YAP1: variants seen among roughly 807,000 people sequenced by gnomAD.
YAP1 encodes the protein transcriptional coactivator YAP1.
In YAP1, 5 loss-of-function variants were observed where a neutral mutation model predicts 56.9. That is an observed-to-expected ratio of 0.09 (90% CI 0.05 to 0.18). YAP1 has a LOEUF of 0.18. Ranked by LOEUF, YAP1 falls within the 10% of genes least tolerant of loss-of-function variation. YAP1 has a pLI of 1.00. For missense variants in YAP1, 539 were observed against 651.8 expected (o/e 0.83, Z 1.88); for synonymous variants, 265 against 248.1 (o/e 1.07, Z -0.64).
At chr11:102,180,681 CAAAAAAAA>C (rs58820066) in intron 3 of YAP1, among the ~76,000 whole-genome samples, 647 of 42,612 alleles carry the variant, frequency 0.015, 9 homozygotes, top group African/African-American at 0.05. Flanking sequence ...GACTCCATCT[CAAAAAAAA>C]AAAAAAAAAA....
intron 4 of YAP1, among the ~76,000 whole-genome samples, chr11:102,198,264 A>C (rs1294890644): frequency 1.3e-5 from 2 of 152,186 alleles, no homozygotes; most frequent in Admixed American, 1.3e-4. Context: ...TTAGATTTGA[A>C]AAAGACCTTA....
intron 3 of YAP1, among the ~76,000 whole-genome samples, chr11:102,170,364 G>T (rs1261954953): frequency 6.6e-6 from 1 of 152,168 alleles, no homozygotes; most frequent in Non-Finnish European, 1.5e-5. Flanking sequence ...ATTTTTAAAA[G>T]ATTATTTCAG....
At chr11:102,125,736 T>C (rs1033218556) in intron 2 of YAP1, among the ~76,000 whole-genome samples, 11 of 152,200 alleles carry the variant, frequency 7.2e-5, no homozygotes, top group African/African-American at 2.7e-4. Flanking sequence ...TTTATTATTT[T>C]TAATAACATG....
chr11:102,213,339 C>G (rs879739850), intron 6 of YAP1, among the ~76,000 whole-genome samples: 3 of 152,090 alleles, frequency 2.0e-5, no homozygotes, highest in Non-Finnish European at 2.9e-5. Flanking sequence ...CGGAAATTAG[C>G]TGGATGTGGT....
Position 102,157,575 on chromosome 11 carries a change from G to A in YAP1, c.573-4881G>A, listed in dbSNP as rs1027314840. Among the ~76,000 whole-genome samples the A allele has an allele frequency of 2.0e-5, 3 of 152,122 alleles. No individual in the cohort carries two copies. In the East Asian group the frequency reaches 5.8e-4, roughly 29 times the overall value. On this transcript the variant is annotated intron_variant, in intron 2 of 8. Transcript: ENST00000282441. Reference sequence around the variant, plus strand: ...GTTTTGTATTATTCCTGGTTTTCCAGTTTTATTGTTTACTAAAAGTCAATT... The same window carrying A: ...GTTTTGTATTATTCCTGGTTTTCCAATTTTATTGTTTACTAAAAGTCAATT...
At chr11:102,222,889 T>G (rs1591466272) in intron 6 of YAP1, among the ~76,000 whole-genome samples, 2 of 144,468 alleles carry the variant, frequency 1.4e-5, no homozygotes. Context: ...GGGGAGGGGG[T>G]CGGGGGGTTC....
At chr11:102,227,141 A>C in intron 7 of YAP1, 1 of 247,280 alleles carries the variant, frequency 4.0e-6, no homozygotes, top group Non-Finnish European at 7.9e-6. Context: ...AGAGAGGAGA[A>C]TACTGATGCA....
intron 6 of YAP1, among the ~76,000 whole-genome samples, chr11:102,220,937 G>GA (rs1217920961): frequency 6.6e-6 from 1 of 152,174 alleles, no homozygotes; most frequent in African/African-American, 2.4e-5. Context: ...AATGCAGTTG[G>GA]AATGAAGAGA....
At chr11:102,122,147 C>T (rs1943693095) in intron 2 of YAP1, among the ~76,000 whole-genome samples, 1 of 152,132 alleles carries the variant, frequency 6.6e-6, no homozygotes, top group Admixed American at 6.6e-5. Flanking sequence ...GGGCCTGGCG[C>T]AGTGGCTCAT....
At chr11:102,120,128 A>G (rs1396373229) in intron 2 of YAP1, among the ~76,000 whole-genome samples, 1 of 152,228 alleles carries the variant, frequency 6.6e-6, no homozygotes, top group Non-Finnish European at 1.5e-5. Flanking sequence ...TGCCGTTTCT[A>G]TGAAGAAGAA....
intron 4 of YAP1, among the ~76,000 whole-genome samples, chr11:102,203,873 T>C (rs1948998553): frequency 6.6e-6 from 1 of 152,074 alleles, no homozygotes; most frequent in South Asian, 2.1e-4. Flanking sequence ...CAAAAAAAGA[T>C]GTAAATGAAT....
At chr11:102,214,059 A>G (rs1949547304) in intron 6 of YAP1, among the ~76,000 whole-genome samples, 1 of 152,228 alleles carries the variant, frequency 6.6e-6, no homozygotes, top group Non-Finnish European at 1.5e-5. Flanking sequence ...CCTGGGTGAC[A>G]GAGTGAGACT....
At chr11:102,149,767 T>C (rs976369543) in intron 2 of YAP1, among the ~76,000 whole-genome samples, 1 of 152,156 alleles carries the variant, frequency 6.6e-6, no homozygotes, top group Non-Finnish European at 1.5e-5. Flanking sequence ...TTTCCTCCTC[T>C]TTCTTGTTCT....
Position 102,193,931 on chromosome 11 carries a change from C to T in YAP1, c.802+7800C>T, listed in dbSNP as rs551082799. On this transcript the variant is annotated intron_variant, in intron 4 of 8. Coordinates refer to ENST00000282441, the MANE Select transcript of YAP1 (RefSeq NM_001130145.3). ...TTGGCTCACTGCAACCTCCGCCTCC[C>T]GAGTAGCTGGGACTACAGGTGCCTG... Among the ~76,000 whole-genome samples the T allele has an allele frequency of 2.1e-4, 32 of 151,856 alleles. No individual in the cohort carries two copies. The South Asian group carries it at 6.7e-3, about 32-fold the overall frequency.
chr11:102,220,301 A>G (rs1949861406), intron 6 of YAP1, among the ~76,000 whole-genome samples: 1 of 152,142 alleles, frequency 6.6e-6, no homozygotes, highest in Non-Finnish European at 1.5e-5. Context: ...TGTGAAAAAC[A>G]ACTGACCAAG....
At chr11:102,145,107 G>A (rs777793273) in intron 2 of YAP1, among the ~76,000 whole-genome samples, 18 of 152,208 alleles carry the variant, frequency 1.2e-4, no homozygotes, top group Middle Eastern at 3.2e-3. Context: ...TTCTGCAGGA[G>A]TATTAGCAAG....
At chr11:102,174,781 T>C (rs544921565) in intron 3 of YAP1, among the ~76,000 whole-genome samples, 1 of 152,194 alleles carries the variant, frequency 6.6e-6, no homozygotes, top group African/African-American at 2.4e-5. Context: ...CTTGAGTCTG[T>C]TGAGAAGAGA....
At chr11:102,125,457 G>T (rs1399047497) in intron 2 of YAP1, among the ~76,000 whole-genome samples, 4 of 149,032 alleles carry the variant, frequency 2.7e-5, no homozygotes, top group South Asian at 4.2e-4. Flanking sequence ...GCTCACTGCA[G>T]CCTCCGCCTC....
chr11:102,172,206 A>AG (rs1428051894), intron 3 of YAP1, among the ~76,000 whole-genome samples: 9 of 151,682 alleles, frequency 5.9e-5, no homozygotes, highest in African/African-American at 1.9e-4. Flanking sequence ...AAAAAAATAA[A>AG]AGAAAAAGTT....
Sources: gnomAD v4.1 joint callset for allele counts (sites outside exome capture counted in the v4.1 genomes callset) on GRCh38, gnomAD v4.1.1 for gene constraint, MANE v1.5 for transcripts, NCBI Gene and HGNC (gene_info 2026-07-23, HGNC 2026-07-21) for gene names.